The following ALDH1A1 variants were observed in gnomAD, a reference collection of about 807,000 sequenced individuals.
ALDH1A1 encodes aldehyde dehydrogenase 1A1.
ALDH1A1 carries 19 observed loss-of-function variants against 62.1 expected under a neutral mutation model. The observed-to-expected ratio is 0.31, with a 90% confidence interval of 0.21 to 0.45. ALDH1A1 has a LOEUF of 0.45. ALDH1A1 is among the 20% of genes least tolerant of loss of function. The pLI, the probability that ALDH1A1 is intolerant of heterozygous loss-of-function variation, is 1.00. For missense variants in ALDH1A1, 521 were observed against 607.1 expected, an observed-to-expected ratio of 0.86 and a Z score of 1.49; for synonymous variants, 231 against 215.9, an observed-to-expected ratio of 1.07 and a Z score of -0.61.
In ALDH1A1 at chr9:72,911,992, T is replaced by C. The variant is rs767589226; in HGVS notation, c.1166A>G (p.Asn389Ser). 3 of 1,613,988 alleles carry C rather than the reference T, an allele frequency of 1.9e-6. No homozygotes were observed. In the Admixed American group the frequency reaches 5.0e-5, roughly 27 times the overall value. ...GGCAATGCGCATCTCATCTGTAACA[T>C]TAGAGAACACTGTGGGCTGGACAAA... ...GYFVQPTVFS[N>S]VTDEMRIAKE... The change falls in exon 10 of 13, where the codon AAT (asparagine) becomes AGT (serine). Residue 389 changes from asparagine to serine, a missense_variant. Physicochemically the swap from Asn to Ser is conservative, Grantham distance 46. Coordinates refer to ENST00000297785, the MANE Select transcript of ALDH1A1 (RefSeq NM_000689.5).
At chr9:72,908,557 AAGAAAGAAAG>A (rs1165113305) in intron 11 of ALDH1A1, among the ~76,000 whole-genome samples, 22 of 3,686 alleles carry the variant, frequency 6.0e-3, no homozygotes, top group East Asian at 0.028. Flanking sequence ...AGAAAGAAGA[AAGAAAGAAAG>A]AAAGAAAGAA....
intron 2 of ALDH1A1, among the ~76,000 whole-genome samples, chr9:72,932,712 T>C (rs1830297547): frequency 6.6e-6 from 1 of 152,250 alleles, no homozygotes; most frequent in South Asian, 2.1e-4. Flanking sequence ...CATTGTTTCA[T>C]GCCACACGTT....
intron 1 of ALDH1A1, among the ~76,000 whole-genome samples, chr9:72,947,422 G>A (rs949241776): frequency 2.6e-5 from 4 of 151,930 alleles, no homozygotes; most frequent in African/African-American, 9.7e-5. Flanking sequence ...AGACATTTTG[G>A]TAGCATCAGC....
chr9:72,907,918 T>G (rs1257526860), intron 11 of ALDH1A1, among the ~76,000 whole-genome samples: 6 of 152,326 alleles, frequency 3.9e-5, no homozygotes, highest in African/African-American at 1.4e-4. Context: ...GAATTTTATT[T>G]AAGAGTCTCC....
rs2118508617 is a variant in ALDH1A1 at position 72,916,984 on chromosome 9, A to G, written c.971T>C (p.Val324Ala). The change falls in exon 9 of 13, where the codon GTT becomes GCT. Residue 324 changes from valine to alanine, a missense_variant. Transcript: ENST00000297785. Reference protein sequence around the residue: ...SIYDEFVRRSVERAKKYILGN... With the variant: ...SIYDEFVRRSAERAKKYILGN... ...AAGGATATACTTCTTAGCCCGCTCA[A>G]CACTCCTTCGAACAAACTCATCATA... 6.2e-7 allele frequency: 1 copy of G among 1,613,910 alleles called. No individual in the cohort carries two copies.
rs564732716 is a variant in ALDH1A1 at position 72,913,002 on chromosome 9, G to T, written c.1036-880C>A. 2.0e-5 allele frequency among the ~76,000 whole-genome samples: 3 copies of T among 152,208 alleles called. 1 individual carries two copies. In the South Asian group the frequency reaches 6.2e-4, roughly 32 times the overall value. ...AGGGCTGCCTATCTCAGGTGTAGCA[G>T]GGGTTAAGGATTAAAGGAAAAACAG... On this transcript the variant is annotated intron_variant, in intron 9 of 12. Coordinates refer to ENST00000297785, the MANE Select transcript of ALDH1A1 (RefSeq NM_000689.5).
intron 5 of ALDH1A1, 36 bp downstream of exon 5, chr9:72,927,080 T>C: frequency 1.3e-6 from 2 of 1,488,164 alleles, no homozygotes; most frequent in Non-Finnish European, 9.2e-7. Flanking sequence ...GAACTCTTCT[T>C]TTTAAAATTG....
chr9:72,907,790 A>T (rs1829894003), intron 11 of ALDH1A1, among the ~76,000 whole-genome samples: 1 of 152,222 alleles, frequency 6.6e-6, no homozygotes, highest in Non-Finnish European at 1.5e-5. Context: ...AAATATCTTC[A>T]GTAAGTGGCG....
In ALDH1A1 at chr9:72,948,830, G is replaced by A. The variant is rs8187878; in HGVS notation, c.66+4105C>T. Among the ~76,000 whole-genome samples the A allele has an allele frequency of 8.1e-4, 123 of 151,886 alleles. 1 individual carries two copies. The highest frequency in any genetic ancestry group is 5.0e-3 in the Admixed American group (76 of 15,200). ...ACTCATTCAAGGCCTTGTTAAATAA[G>A]AGGAAGGGAAATATGGGAGAAACGA... On this transcript the variant is annotated intron_variant, in intron 1 of 12. Transcript: ENST00000297785.
intron 2 of ALDH1A1, among the ~76,000 whole-genome samples, chr9:72,937,632 C>G (rs370649005): frequency 3.3e-5 from 5 of 152,192 alleles, no homozygotes; most frequent in African/African-American, 1.2e-4. Context: ...GAGGACTACA[C>G]TGTGGACATG....
At chr9:72,940,822 G>A (rs1030786266) in intron 1 of ALDH1A1, among the ~76,000 whole-genome samples, 1 of 152,046 alleles carries the variant, frequency 6.6e-6, no homozygotes, top group Non-Finnish European at 1.5e-5. Context: ...TGGTAATTTC[G>A]TTGTCTTCAG....
At chr9:72,916,870 T>C (rs747531053) in intron 9 of ALDH1A1, 50 bp downstream of exon 9, 6 of 1,440,756 alleles carry the variant, frequency 4.2e-6, no homozygotes, top group African/African-American at 2.9e-5. Flanking sequence ...CTAAAGAGGA[T>C]ACTTTATTCC....
At chr9:72,913,368 A>T (rs1054353921) in intron 9 of ALDH1A1, among the ~76,000 whole-genome samples, 5 of 152,184 alleles carry the variant, frequency 3.3e-5, no homozygotes, top group African/African-American at 4.8e-5. Flanking sequence ...TAAGAAAAAA[A>T]TAGTGTTAAG....
intron 11 of ALDH1A1, among the ~76,000 whole-genome samples, chr9:72,908,684 T>C (rs956751406): frequency 6.6e-6 from 1 of 151,888 alleles, no homozygotes; most frequent in Admixed American, 6.6e-5. Context: ...GAAAATAATC[T>C]TGTGCTTTTT....
At chr9:72,945,793 A>T (rs550834552) in intron 1 of ALDH1A1, among the ~76,000 whole-genome samples, 1 of 152,118 alleles carries the variant, frequency 6.6e-6, no homozygotes, top group African/African-American at 2.4e-5. Flanking sequence ...TGAGACTCAA[A>T]GTTAGAAAAT....
rs950477104 is a variant in ALDH1A1 at position 72,931,129 on chromosome 9, T to C, written c.172-110A>G. On this transcript the variant is annotated intron_variant, in intron 2 of 12. Coordinates refer to ENST00000297785, the MANE Select transcript of ALDH1A1 (RefSeq NM_000689.5). ...TAGTGCCTCATAAGCAGGCACTGTG[T>C]CTCCATTATCCCAAAGTCTAACACA... 4 of 1,204,596 alleles carry C rather than the reference T, an allele frequency of 3.3e-6. No homozygotes were observed. In the East Asian group the frequency reaches 9.7e-5, roughly 29 times the overall value. The allele number at this position is 1,204,596 out of a possible 1,614,324, so 74.6% of individuals were successfully genotyped here.
At chr9:72,927,890 G>A (rs979755075) in intron 4 of ALDH1A1, among the ~76,000 whole-genome samples, 2 of 151,550 alleles carry the variant, frequency 1.3e-5, no homozygotes, top group African/African-American at 2.4e-5. Flanking sequence ...TATGTGCCCC[G>A]AAGTTTAATG....
intron 1 of ALDH1A1, among the ~76,000 whole-genome samples, chr9:72,943,201 A>G (rs1400592845): frequency 6.6e-6 from 1 of 152,122 alleles, no homozygotes; most frequent in Non-Finnish European, 1.5e-5. Flanking sequence ...ATAAAATAAA[A>G]CAACATACAG....
chr9:72,918,228 A>T (rs1473671469), intron 8 of ALDH1A1, among the ~76,000 whole-genome samples: 1 of 152,174 alleles, frequency 6.6e-6, no homozygotes, highest in African/African-American at 2.4e-5. Flanking sequence ...CATAAACTCC[A>T]CTATACTTGC....
Sources: allele counts gnomAD v4.1 joint callset (sites outside exome capture counted in the v4.1 genomes callset), GRCh38; gene constraint gnomAD v4.1.1; transcripts MANE v1.5; gene names NCBI Gene and HGNC (gene_info 2026-07-23, HGNC 2026-07-21).